The following DLGAP2 variants were observed in gnomAD, a reference collection of about 807,000 sequenced individuals.
The protein encoded by DLGAP2 is DLG associated protein 2, also known as disks large-associated protein 2.
In DLGAP2, 26 loss-of-function variants were observed where a neutral mutation model predicts 100.3. That is an observed-to-expected ratio of 0.26 (90% confidence interval 0.19 to 0.36). The LOEUF (loss-of-function observed/expected upper bound fraction) is 0.36, where lower values mean the gene tolerates loss of function less well. Among genes scored for constraint, DLGAP2 ranks in the 10% least tolerant of loss-of-function variants. The pLI is 1.00. For synonymous variants in DLGAP2, 886 were observed against 630.1 expected (o/e 1.41, Z -6.08); for missense variants, 1,858 against 1,453.2 (o/e 1.28, Z -4.53).
intron 3 of DLGAP2, among the ~76,000 whole-genome samples, chr8:1,316,772 C>T (rs1178716428): frequency 7.1e-6 from 1 of 141,192 alleles, no homozygotes; most frequent in African/African-American, 2.7e-5. Context: ...GCGAGTACAG[C>T]GTCTCTCCCA....
intron 3 of DLGAP2, among the ~76,000 whole-genome samples, chr8:1,407,843 G>T (rs112265504): frequency 3.8e-5 from 5 of 132,206 alleles, no homozygotes; most frequent in South Asian, 2.7e-4. Flanking sequence ...CTCATCCTCC[G>T]GAGTCGTGTA....
intron 8 of DLGAP2, among the ~76,000 whole-genome samples, chr8:1,655,148 A>G (rs1483292324): frequency 6.6e-6 from 1 of 152,244 alleles, no homozygotes; most frequent in African/African-American, 2.4e-5. Context: ...TGTGGGACCC[A>G]CATAATTTCT....
chr8:1,192,286 C>A (rs1563243609), intron 2 of DLGAP2, among the ~76,000 whole-genome samples: 1 of 152,128 alleles, frequency 6.6e-6, no homozygotes, highest in African/African-American at 2.4e-5. Flanking sequence ...CTTATTTACG[C>A]TTATTAATTT....
chr8:1,657,548 C>A (rs574134138), intron 8 of DLGAP2, among the ~76,000 whole-genome samples: 1 of 152,168 alleles, frequency 6.6e-6, no homozygotes, highest in East Asian at 1.9e-4. Context: ...TGAATTCTTT[C>A]TTTACTATTG....
chr8:1,164,370 G>GGATA (rs1554494709), intron 2 of DLGAP2, among the ~76,000 whole-genome samples: 1 of 139,328 alleles, frequency 7.2e-6, no homozygotes, highest in Non-Finnish European at 1.6e-5. Context: ...TGGTTTGTGG[G>GGATA]GATTTTTCTG....
At chr8:776,649 G>C (rs1175556120) in intron 1 of DLGAP2, among the ~76,000 whole-genome samples, 2 of 152,176 alleles carry the variant, frequency 1.3e-5, no homozygotes, top group Non-Finnish European at 1.5e-5. Context: ...TTTCCATGTA[G>C]CTGAGCGGTT....
chr8:1,241,277 C>T (rs1239807301), intron 2 of DLGAP2, among the ~76,000 whole-genome samples: 27 of 150,782 alleles, frequency 1.8e-4, no homozygotes, highest in African/African-American at 4.4e-4. Flanking sequence ...TCACATGGCT[C>T]CGTGTCTCAT....
intron 2 of DLGAP2, among the ~76,000 whole-genome samples, chr8:1,129,377 G>A (rs998250863): frequency 2.0e-5 from 3 of 150,196 alleles, no homozygotes; most frequent in Non-Finnish European, 3.0e-5. Flanking sequence ...CACTCCAGCC[G>A]GGAGACAGAG....
At chr8:1,230,696 T>G (rs1214443872) in intron 2 of DLGAP2, among the ~76,000 whole-genome samples, 3 of 151,978 alleles carry the variant, frequency 2.0e-5, no homozygotes, top group Non-Finnish European at 2.9e-5. Context: ...AACCCAGAAA[T>G]GAACCCATAC....
chr8:1,429,305 G>A lies in DLGAP2; in HGVS notation c.107-72061G>A, dbSNP rs1797338313. ...ATTTCACCATTTACACGGGAGTTTG[G>A]TTTGCTTACATAGGAACTAAAAGTG... is the stretch of plus-strand genomic sequence containing the variant. On this transcript the variant is annotated intron_variant, in intron 3 of 14. Transcript: ENST00000637795. Among the ~76,000 whole-genome samples the A allele has an allele frequency of 2.0e-5, 3 of 152,102 alleles. No homozygotes were observed. The South Asian group carries it at 6.2e-4, about 32-fold the overall frequency.
rs138393230 is a variant in DLGAP2 at position 976,500 on chromosome 8, T to A, written c.73+68534T>A. ...GGTGGCAGGTGCCTGTAGTCCCAGC[T>A]ACTTGGGAGGCTGAGGCAGGCGAAT... On this transcript the variant is annotated intron_variant, in intron 2 of 14. Coordinates refer to ENST00000637795, the MANE Select transcript of DLGAP2 (RefSeq NM_001346810.2). Among the ~76,000 whole-genome samples, 1,245 of 152,222 alleles carry A rather than the reference T, an allele frequency of 8.2e-3. 8 individuals carry two copies. The highest frequency in any genetic ancestry group is 0.02 in the Middle Eastern group (6 of 294).
chr8:1,639,185 C>G (rs909634641), intron 8 of DLGAP2, among the ~76,000 whole-genome samples: 13 of 152,176 alleles, frequency 8.5e-5, no homozygotes, highest in African/African-American at 3.1e-4. Context: ...AGCCATGGAG[C>G]CACCCCCGAA....
intron 2 of DLGAP2, among the ~76,000 whole-genome samples, chr8:965,150 A>G (rs1442680165): frequency 6.9e-6 from 1 of 144,232 alleles, no homozygotes; most frequent in Non-Finnish European, 1.5e-5. Context: ...TTCACCTCAC[A>G]GGGCTCCTGA....
rs149219768 is a variant in DLGAP2 at position 1,001,740 on chromosome 8, G to A, written c.73+93774G>A. Among the ~76,000 whole-genome samples the A allele has an allele frequency of 2.3e-3, 343 of 152,216 alleles. 1 individual carries two copies. The East Asian group carries it at 0.024, about 11-fold the overall frequency. On this transcript the variant is annotated intron_variant, in intron 2 of 14. Transcript: ENST00000637795. ...TCTTTTTCTCTACTATTGCTGTAAC[G>A]TACACACACATTTGAATGTCCTTCC...
intron 14 of DLGAP2, among the ~76,000 whole-genome samples, chr8:1,699,613 C>CAA (rs897496901): frequency 7.0e-6 from 1 of 142,172 alleles, no homozygotes; most frequent in African/African-American, 2.6e-5. Flanking sequence ...GACTCTGTCT[C>CAA]AAAAAAAAAA....
chr8:860,448 T>C (rs1797367284), intron 1 of DLGAP2, among the ~76,000 whole-genome samples: 2 of 152,210 alleles, frequency 1.3e-5, no homozygotes, highest in African/African-American at 4.8e-5. Context: ...TTGGCTTTTC[T>C]GTCCCAATGG....
chr8:947,575 T>C (rs963894734), intron 2 of DLGAP2, among the ~76,000 whole-genome samples: 4 of 152,162 alleles, frequency 2.6e-5, no homozygotes, highest in Non-Finnish European at 4.4e-5. Flanking sequence ...CCCCTCGGTG[T>C]GCCTGCCAGT....
intron 3 of DLGAP2, chr8:1,300,512 A>G (rs1040329207): frequency 3.9e-5 from 6 of 152,220 alleles, no homozygotes; most frequent in African/African-American, 1.2e-4. Context: ...TCAAGTACTG[A>G]CCGTCCCTCC....
intron 2 of DLGAP2, among the ~76,000 whole-genome samples, chr8:990,367 C>CTGTTCTTCTCTCCCTCCTTGCCCAGACT (rs1800634500): frequency 9.1e-6 from 1 of 110,384 alleles, no homozygotes; most frequent in African/African-American, 3.5e-5. Context: ...TTGCCCGGAC[C>CTGTTCTTCTCTCCCTCCTTGCCCAGACT]CCCTGCACCC....
Sources: gnomAD v4.1 joint callset for allele counts (sites outside exome capture counted in the v4.1 genomes callset) on GRCh38, gnomAD v4.1.1 for gene constraint, MANE v1.5 for transcripts, NCBI Gene and HGNC (gene_info 2026-07-23, HGNC 2026-07-21) for gene names.